RXRG: variants seen among roughly 807,000 people sequenced by gnomAD.
RXRG encodes the protein retinoic acid receptor RXR-gamma.
Under a neutral mutation model 49.2 loss-of-function variants are expected in RXRG, and 19 were observed. That is an observed-to-expected ratio of 0.39 (90% confidence interval 0.27 to 0.57). The LOEUF is 0.57. Ranked by LOEUF, RXRG falls within the 20% of genes least tolerant of loss-of-function variation. The pLI is 0.64. For missense variants in RXRG, 452 were observed against 592.5 expected (o/e 0.76, Z 2.46); for synonymous variants, 224 against 216.6 (o/e 1.03, Z -0.30).
chr1:165,413,436 A>G (rs10489746), intron 4 of RXRG, among the ~76,000 whole-genome samples: 4,088 of 152,324 alleles, frequency 0.027, 89 homozygotes, highest in Admixed American at 0.063. Context: ...ATGCTCTGAC[A>G]TACTACGAGC....
intron 2 of RXRG, among the ~76,000 whole-genome samples, chr1:165,420,662 A>G (rs1024815295): frequency 6.6e-6 from 1 of 152,212 alleles, no homozygotes; most frequent in Admixed American, 6.5e-5. Flanking sequence ...GTAAGTTAAT[A>G]TCAGCTCCCC....
chr1:165,435,917 G>A (rs562418992), intron 1 of RXRG, among the ~76,000 whole-genome samples: 2 of 152,324 alleles, frequency 1.3e-5, no homozygotes, highest in Admixed American at 6.5e-5. Context: ...AATATCCTTT[G>A]TAGTGTGAAA....
chr1:165,425,691 C>T (rs1464540028), intron 2 of RXRG, among the ~76,000 whole-genome samples: 1 of 152,174 alleles, frequency 6.6e-6, no homozygotes, highest in Non-Finnish European at 1.5e-5. Flanking sequence ...TGTACACCCC[C>T]ACTGCTGCCC....
chr1:165,436,063 C>T (rs540348465), intron 1 of RXRG, among the ~76,000 whole-genome samples: 53 of 152,164 alleles, frequency 3.5e-4, no homozygotes, highest in Non-Finnish European at 6.5e-4. Flanking sequence ...TAGCAGTGAT[C>T]CCCAACACCT....
chr1:165,404,269 G>A (rs1657673934), intron 9 of RXRG, among the ~76,000 whole-genome samples: 1 of 152,180 alleles, frequency 6.6e-6, no homozygotes, highest in Non-Finnish European at 1.5e-5. Context: ...AAGCTGTGAT[G>A]GACAAACCCA....
At chr1:165,444,725 A>G in intron 1 of RXRG, 120 bp downstream of exon 1, 1 of 853,000 alleles carries the variant, frequency 1.2e-6, no homozygotes, top group Non-Finnish European at 2.0e-6. Flanking sequence ...CACACTATAT[A>G]TGCATATAAA....
chr1:165,440,684 C>A (rs1221930060), intron 1 of RXRG, among the ~76,000 whole-genome samples: 1 of 152,004 alleles, frequency 6.6e-6, no homozygotes, highest in East Asian at 1.9e-4. Context: ...AAATTAACTT[C>A]ATTCCCTGGG....
At chr1:165,427,402 ATGTTTTGTTTTGTTTTGTTT>A (rs67818708) in intron 2 of RXRG, among the ~76,000 whole-genome samples, 44,831 of 149,538 alleles carry the variant, frequency 0.3, 8,038 homozygotes, top group Non-Finnish European at 0.4. Flanking sequence ...AATCTGTCAT[ATGTTTTGTTTTGTTTTGTTT>A]TGTTTTGTTT....
chr1:165,441,285 T>C (rs982052138), intron 1 of RXRG, among the ~76,000 whole-genome samples: 1 of 152,240 alleles, frequency 6.6e-6, no homozygotes, highest in Non-Finnish European at 1.5e-5. Flanking sequence ...CCACTGGGTC[T>C]GCAACAACCA....
chr1:165,444,750 T>A (rs1659107252), intron 1 of RXRG, 95 bp downstream of exon 1: 3 of 1,126,354 alleles, frequency 2.7e-6, no homozygotes, highest in Non-Finnish European at 4.0e-6. Context: ...TATGTTCTCC[T>A]TTTAATTCAA....
chr1:165,409,762 A>T, intron 6 of RXRG, 72 bp from the exon 7 acceptor site: 1 of 1,298,292 alleles, frequency 7.7e-7, no homozygotes. Context: ...CACCCAAGGC[A>T]TGTACTATTA....
intron 1 of RXRG, among the ~76,000 whole-genome samples, chr1:165,429,839 C>G (rs1303488993): frequency 1.3e-5 from 2 of 152,104 alleles, no homozygotes; most frequent in African/African-American, 2.4e-5. Flanking sequence ...TAAATTGAAC[C>G]CACATTCCCC....
chr1:165,412,172 G>T (rs1657975343), intron 4 of RXRG, among the ~76,000 whole-genome samples: 1 of 152,142 alleles, frequency 6.6e-6, no homozygotes, highest in Admixed American at 6.5e-5. Context: ...GAATCGCAAT[G>T]CCGAACATCT....
At chr1:165,425,198 T>C (rs1286271987) in intron 2 of RXRG, among the ~76,000 whole-genome samples, 1 of 152,232 alleles carries the variant, frequency 6.6e-6, no homozygotes, top group Non-Finnish European at 1.5e-5. Context: ...CAATCAGACT[T>C]GAGTGTGGTT....
At chr1:165,431,308 G>A (rs78237535) in intron 1 of RXRG, among the ~76,000 whole-genome samples, 3,975 of 152,272 alleles carry the variant, frequency 0.026, 85 homozygotes, top group Admixed American at 0.062. Context: ...GAGAAAAGAG[G>A]GCAGCGCTCA....
intron 2 of RXRG, among the ~76,000 whole-genome samples, chr1:165,423,788 G>T (rs1658398936): frequency 6.6e-6 from 1 of 152,052 alleles, no homozygotes; most frequent in East Asian, 1.9e-4. Flanking sequence ...TGTATATCAG[G>T]CTTCCAACTA....
In RXRG at chr1:165,401,313, TG is replaced by T; in HGVS notation, c.1341del (p.Ile448LeufsTer28). 1 of 1,613,960 alleles carries T rather than the reference TG, an allele frequency of 6.2e-7. No individual in the cohort carries two copies. Among genetic ancestry groups the T allele is most frequent in the Non-Finnish European group, 8.5e-7 (1 of 1,179,974 alleles). ...AACATCTCCATGAGGAAGGTGTCAATGGGGGTGTCCCCGATGAGCTTGAAGA... is the reference window on the plus strand; with the variant it reads ...AACATCTCCATGAGGAAGGTGTCAATGGGGTGTCCCCGATGAGCTTGAAGA... ...LFFFKLIGDT[P>X]IDTFLMEMLE... On this transcript the variant is annotated frameshift_variant, in exon 10 of 10. Transcript: ENST00000359842. LOFTEE classifies it high-confidence loss of function.
Position 165,407,912 on chromosome 1 carries a change from T to G in RXRG, c.1138+315A>C, listed in dbSNP as rs192924905. Among the ~76,000 whole-genome samples the G allele has an allele frequency of 5.3e-5, 8 of 152,212 alleles. No homozygotes were observed. The East Asian group carries it at 1.5e-3, about 29-fold the overall frequency. On this transcript the variant is annotated intron_variant, in intron 8 of 9. Transcript: ENST00000359842. ...TCCTTTCTTTCTTTCTCATTCTATA[T>G]TCAATCCATCAGCAAATCACAGTGG...
intron 2 of RXRG, among the ~76,000 whole-genome samples, chr1:165,421,687 A>G (rs906582792): frequency 4.6e-5 from 7 of 152,038 alleles, no homozygotes; most frequent in African/African-American, 1.7e-4. Context: ...ATGCCACGAC[A>G]CTTAGCTAAC....
Sources: gnomAD v4.1 joint callset for allele counts (sites outside exome capture counted in the v4.1 genomes callset) on GRCh38, gnomAD v4.1.1 for gene constraint, MANE v1.5 for transcripts, NCBI Gene and HGNC (gene_info 2026-07-23, HGNC 2026-07-21) for gene names.